Variants in AATK observed in about 807,000 individuals in gnomAD.
The protein encoded by AATK is serine/threonine-protein kinase LMTK1.
In AATK, 91 loss-of-function variants were observed where a neutral mutation model predicts 114.3. The ratio of observed to expected loss-of-function variants is 0.80; its 90% CI spans 0.67 to 0.95. AATK has a LOEUF of 0.95. Among genes scored for constraint, AATK ranks in the 40% least tolerant of loss-of-function variants. AATK has a pLI of 0.00. For missense variants in AATK, 2,176 were observed against 1,965.2 expected, an observed-to-expected ratio of 1.11 and a Z score of -2.03; for synonymous variants, 1,075 against 916.5, an observed-to-expected ratio of 1.17 and a Z score of -3.12.
In AATK at chr17:81,121,124, C is replaced by T. The variant is rs1210752400; in HGVS notation, c.2812G>A (p.Gly938Ser). The T allele has an allele frequency of 3.1e-6, 5 of 1,605,510 alleles. No homozygotes were observed. Among genetic ancestry groups the T allele is most frequent in the Non-Finnish European group, 4.2e-6 (5 of 1,176,764 alleles). ...GACTCATAGTTCTCGGTGTCATAGC[C>T]ACTGTCCAGCGCTCGCGGCTGCCCT... ...SGGQPRALDS[G>S]YDTENYESPE... The change falls in exon 11 of 14, where the codon GGC (glycine) becomes AGC (serine). Residue 938 changes from glycine to serine, a missense_variant. Physicochemically the swap from Gly to Ser is moderately conservative, Grantham distance 56 (BLOSUM62 0). This residue lies in a region of AATK where 1,701 missense variants were observed against 1,394.7 expected (regional missense o/e 1.22). Transcript: ENST00000326724.
chr17:81,125,936 G>A (rs531755412), intron 7 of AATK: 8 of 478,978 alleles, frequency 1.7e-5, no homozygotes, highest in African/African-American at 9.9e-5. Flanking sequence ...TCAGCACCAG[G>A]ATATTGTTGG....
At chr17:81,158,051 G>A (rs2146412659) in intron 1 of AATK, among the ~76,000 whole-genome samples, 1 of 152,380 alleles carries the variant, frequency 6.6e-6, no homozygotes, top group African/African-American at 2.4e-5. Context: ...GGCTTGCCAA[G>A]GAGGAAACGG....
At chr17:81,125,128 C>G in intron 7 of AATK, 114 bp from the exon 8 acceptor site, 1 of 864,804 alleles carries the variant, frequency 1.2e-6, no homozygotes, top group Non-Finnish European at 1.8e-6. Context: ...AGCACAGGGT[C>G]CTTTGCCAAC....
chr17:81,138,122 A>G (rs1196234513), intron 1 of AATK, among the ~76,000 whole-genome samples: 1 of 138,172 alleles, frequency 7.2e-6, no homozygotes, highest in East Asian at 2.2e-4. Flanking sequence ...ACACAGACAT[A>G]CCCCACACAC....
At chr17:81,149,991 G>A (rs181231827) in intron 1 of AATK, among the ~76,000 whole-genome samples, 42 of 152,226 alleles carry the variant, frequency 2.8e-4, no homozygotes, top group Non-Finnish European at 4.9e-4. Flanking sequence ...TCATGCTGCC[G>A]TGGGACCACT....
At chr17:81,152,838 T>G (rs1346479137) in intron 1 of AATK, among the ~76,000 whole-genome samples, 2 of 115,422 alleles carry the variant, frequency 1.7e-5, no homozygotes, top group African/African-American at 6.3e-5. Flanking sequence ...AAACCAGCCC[T>G]GCTGAATTTT....
chr17:81,128,465 C>T lies in AATK; in HGVS notation c.414+5G>A, dbSNP rs1405619493. On this transcript the variant is annotated splice_donor_5th_base_variant and intron_variant, in intron 4 of 13. Coordinates refer to ENST00000326724, the MANE Select transcript of AATK (RefSeq NM_001080395.3). ...GGAGTCCTCCCTCCCAGGCGGGACACGTACCTTCCCGAACCAGCCACGGCC... is the reference window on the plus strand; with the variant it reads ...GGAGTCCTCCCTCCCAGGCGGGACATGTACCTTCCCGAACCAGCCACGGCC... 1.0e-5 allele frequency: 16 copies of T among 1,548,682 alleles called. No homozygotes were observed. The highest frequency in any genetic ancestry group is 6.9e-5 in the African/African-American group (5 of 72,958).
chr17:81,152,394 T>A (rs12452488), intron 1 of AATK, among the ~76,000 whole-genome samples: 1 of 152,040 alleles, frequency 6.6e-6, no homozygotes, highest in African/African-American at 2.4e-5. Flanking sequence ...GTCACCCACC[T>A]GGACAACATA....
intron 2 of AATK, among the ~76,000 whole-genome samples, chr17:81,133,558 G>A (rs944940449): frequency 3.9e-5 from 6 of 152,194 alleles, no homozygotes; most frequent in Non-Finnish European, 4.4e-5. Context: ...CCCCGTGGGC[G>A]TGTGAACCAC....
At chr17:81,149,056 G>A (rs1000502140) in intron 1 of AATK, among the ~76,000 whole-genome samples, 12 of 152,168 alleles carry the variant, frequency 7.9e-5, no homozygotes, top group African/African-American at 1.4e-4. Context: ...GCCGAGCTCT[G>A]GGTTGAATGC....
At chr17:81,125,185 G>A in intron 7 of AATK, 171 bp from the exon 8 acceptor site, 1 of 670,268 alleles carries the variant, frequency 1.5e-6, no homozygotes, top group Non-Finnish European at 2.7e-6. Flanking sequence ...TGGAGACACT[G>A]CCACCCCCCA....
chr17:81,125,693 G>A (rs1243758790), intron 7 of AATK, among the ~76,000 whole-genome samples: 2 of 152,086 alleles, frequency 1.3e-5, no homozygotes, highest in African/African-American at 2.4e-5. Context: ...TATTACTTCT[G>A]TGCTCAGGAC....
chr17:81,138,866 T>C (rs1486398729), intron 1 of AATK, among the ~76,000 whole-genome samples: 2 of 144,956 alleles, frequency 1.4e-5, no homozygotes, highest in African/African-American at 5.0e-5. Flanking sequence ...CACGCACACA[T>C]GTGCACACAT....
chr17:81,123,449 T>G, intron 9 of AATK, 106 bp from the exon 10 acceptor site: 1 of 1,082,896 alleles, frequency 9.2e-7, no homozygotes, highest in Admixed American at 4.2e-5. Context: ...ATCACGCCAG[T>G]GCCTCAGGAC....
rs568920575 is a variant in AATK, at chr17:81,154,323, T to C, written c.55+11615A>G. ...TTTTTTCTTAGTTTTTTCTTTCTTT[T>C]TTTTTTTTTTTTTTTGAGATGGAGT... is the stretch of plus-strand genomic sequence containing the variant. On this transcript the variant is annotated intron_variant, in intron 1 of 13. Transcript: ENST00000326724. Among the ~76,000 whole-genome samples the C allele has an allele frequency of 2.2e-3, 161 of 74,750 alleles. 1 individual carries two copies. Among genetic ancestry groups the C allele is most frequent in the South Asian group, 0.017 (28 of 1,694 alleles). The allele number at this position is 74,750 out of a possible 152,430, so 49.0% of individuals were successfully genotyped here.
intron 1 of AATK, chr17:81,165,652 G>A (rs1279220405): frequency 6.7e-7 from 1 of 1,489,168 alleles, no homozygotes; most frequent in Non-Finnish European, 9.0e-7. Flanking sequence ...GACACCAGGG[G>A]CCCACGCAGG....
intron 1 of AATK, among the ~76,000 whole-genome samples, chr17:81,157,199 G>A (rs1039843397): frequency 6.6e-6 from 1 of 152,238 alleles, no homozygotes; most frequent in Non-Finnish European, 1.5e-5. Flanking sequence ...GGATAAGGAG[G>A]ATGCAGGCCA....
intron 3 of AATK, among the ~76,000 whole-genome samples, chr17:81,129,514 G>A (rs951201551): frequency 5.9e-5 from 9 of 152,250 alleles, no homozygotes; most frequent in Middle Eastern, 3.4e-3. Flanking sequence ...GTTTCTCCCC[G>A]CTGACCTCTG....
Position 81,134,544 on chromosome 17 carries a change from C to G in AATK, c.56-43G>C, listed in dbSNP as rs55660414. ...GGTGAGAGTGGCCATGGCTGAGGGCCGGCCAGGCCCCTGCCCCTGCTCTGG... is the reference window on the plus strand; with the variant it reads ...GGTGAGAGTGGCCATGGCTGAGGGCGGGCCAGGCCCCTGCCCCTGCTCTGG... On this transcript the variant is annotated intron_variant, in intron 1 of 13. Coordinates refer to ENST00000326724, the MANE Select transcript of AATK (RefSeq NM_001080395.3). The G allele has an allele frequency of 4.4e-6, 7 of 1,587,672 alleles. 1 individual carries two copies. The highest frequency in any genetic ancestry group is 3.4e-5 in the South Asian group (3 of 87,938).
Sources: gnomAD v4.1 joint callset for allele counts (sites outside exome capture counted in the v4.1 genomes callset) on GRCh38, gnomAD v4.1.1 for gene constraint, gnomAD v4.1.1 regional missense constraint, MANE v1.5 for transcripts, NCBI Gene and HGNC (gene_info 2026-07-23, HGNC 2026-07-21) for gene names.